The following KIT variants were observed in gnomAD, a reference collection of about 807,000 sequenced individuals.
KIT encodes the protein KIT proto-oncogene, receptor tyrosine kinase, also known as mast/stem cell growth factor receptor Kit.
In KIT, 16 loss-of-function variants were observed where a neutral mutation model predicts 105.7. The observed-to-expected ratio is 0.15, with a 90% confidence interval of 0.10 to 0.23. The LOEUF is 0.23. Among genes scored for constraint, KIT ranks in the 10% least tolerant of loss-of-function variants. KIT has a pLI of 1.00. For missense variants in KIT, 858 were observed against 1,213.8 expected, an observed-to-expected ratio of 0.71 and a Z score of 4.36; for synonymous variants, 438 against 441.1, an observed-to-expected ratio of 0.99 and a Z score of 0.09.
At position 54,727,258 on chromosome 4, in the gene KIT, T is replaced by G. The variant is rs994448695; in HGVS notation, c.1581T>G (p.Ile527Met). 3 of 1,614,054 alleles carry G rather than the reference T, an allele frequency of 1.9e-6. No homozygotes were observed. The highest frequency in any genetic ancestry group is 2.5e-6 in the Non-Finnish European group (3 of 1,180,024). Residue 527 changes from isoleucine (I) to methionine (M), a missense_variant, in exon 10 of 21, where the codon ATT becomes ATG. Transcript: ENST00000288135. The stretch of plus-strand genomic sequence containing the variant: ...ACACCCTGTTCACTCCTTTGCTGAT[T>G]GGTTTCGTAATCGTAGCTGGCATGA... ...HPHTLFTPLL[I>M]GFVIVAGMMC...
chr4:54,674,065 C>A (rs1340287059), intron 1 of KIT, among the ~76,000 whole-genome samples: 2 of 152,204 alleles, frequency 1.3e-5, no homozygotes, highest in African/African-American at 2.4e-5. Flanking sequence ...GCCACCGTGC[C>A]CGGCCTCATA....
chr4:54,696,804 T>C (rs975150958), intron 2 of KIT, among the ~76,000 whole-genome samples: 5 of 152,246 alleles, frequency 3.3e-5, no homozygotes, highest in African/African-American at 1.2e-4. Context: ...CCGAAGTAGG[T>C]AGCTGCAAAG....
intron 1 of KIT, among the ~76,000 whole-genome samples, chr4:54,666,840 T>C (rs1018098656): frequency 6.6e-6 from 1 of 152,232 alleles, no homozygotes; most frequent in African/African-American, 2.4e-5. Context: ...TCATAAATGC[T>C]GAATAGACTC....
intron 1 of KIT, among the ~76,000 whole-genome samples, chr4:54,679,820 T>C (rs1366901317): frequency 6.6e-6 from 1 of 152,206 alleles, no homozygotes; most frequent in Non-Finnish European, 1.5e-5. Context: ...CAGTGGACTA[T>C]TATTCAGCCT....
At chr4:54,663,533 CGTATTAAGATGAA>C (rs1251515469) in intron 1 of KIT, among the ~76,000 whole-genome samples, 1 of 143,554 alleles carries the variant, frequency 7.0e-6, no homozygotes, top group African/African-American at 2.6e-5. Context: ...TTTTTTTTTT[CGTATTAAGATGAA>C]GTTGTTAATT....
chr4:54,684,326 C>T (rs1229498813), intron 1 of KIT, among the ~76,000 whole-genome samples: 1 of 152,130 alleles, frequency 6.6e-6, no homozygotes, highest in Non-Finnish European at 1.5e-5. Flanking sequence ...CCACATGTAC[C>T]ATGGGCTCCT....
rs2109825085 is a variant in KIT at position 54,740,550 on chromosome 4, C to A, written c.*1993C>A. The A allele has an allele frequency of 4.3e-6, 1 of 232,980 alleles. No homozygotes were observed. The highest frequency in any genetic ancestry group is 8.5e-6 in the Non-Finnish European group (1 of 117,754). The allele number at this position is 232,980 out of a possible 1,614,324, so 14.4% of individuals were successfully genotyped here. A position where few individuals can be genotyped will look rare whatever the true frequency, so the allele number is the denominator to read the frequency against. On this transcript the variant is annotated 3_prime_UTR_variant, in exon 21 of 21. Coordinates refer to ENST00000288135, the MANE Select transcript of KIT (RefSeq NM_000222.3). Reference sequence around the variant, plus strand: ...TAATGTCTTTTGAATATTCCCAAGCCCATGAGTCCTTGAAAATATTTTTTA... The same window carrying A: ...TAATGTCTTTTGAATATTCCCAAGCACATGAGTCCTTGAAAATATTTTTTA...
rs1560414436 is a variant in KIT at position 54,723,632 on chromosome 4, A to T, written c.1280A>T (p.Gln427Leu). The T allele has an allele frequency of 1.2e-6, 2 of 1,614,100 alleles. No homozygotes were observed. The highest frequency in any genetic ancestry group is 2.2e-5 in the South Asian group (2 of 91,086). Reference protein sequence around the residue: ...TYDRLVNGMLQCVAAGFPEPT... With the variant: ...TYDRLVNGMLLCVAAGFPEPT... ...GACAGGCTCGTGAATGGCATGCTCC[A>T]ATGTGTGGCAGCAGGATTCCCAGAG... Residue 427 changes from glutamine (Q) to leucine (L), a missense_variant, in exon 8 of 21, where the codon CAA becomes CTA. Gln to Leu is a moderately radical substitution (Grantham distance 113, BLOSUM62 -2). Transcript: ENST00000288135.
Position 54,727,282 on chromosome 4 carries a change from G to A in KIT, c.1605G>A (p.Met535Ile), listed in dbSNP as rs764493206. 3 of 1,614,180 alleles carry A rather than the reference G, an allele frequency of 1.9e-6. No homozygotes were observed. The highest frequency in any genetic ancestry group is 2.2e-5 in the East Asian group (1 of 44,876). Residue 535 changes from methionine (M) to isoleucine (I), a missense_variant, in exon 10 of 21, where the codon ATG (methionine) becomes ATA (isoleucine). Transcript: ENST00000288135. ...LLIGFVIVAG[M>I]MCIIVMILTY... is the part of the protein sequence containing the mutation. ...TTGGTTTCGTAATCGTAGCTGGCAT[G>A]ATGTGCATTATTGTGATGATTCTGA...
At chr4:54,669,334 T>C (rs1265045126) in intron 1 of KIT, among the ~76,000 whole-genome samples, 1 of 152,184 alleles carries the variant, frequency 6.6e-6, no homozygotes, top group Admixed American at 6.5e-5. Flanking sequence ...TTATTTAACA[T>C]GATCATCTTG....
chr4:54,687,392 C>T (rs1359407734), intron 1 of KIT, among the ~76,000 whole-genome samples: 1 of 151,900 alleles, frequency 6.6e-6, no homozygotes, highest in East Asian at 1.9e-4. Flanking sequence ...GAGCCGAGAT[C>T]GCGCCACTGC....
intron 1 of KIT, among the ~76,000 whole-genome samples, chr4:54,658,601 C>T (rs551404557): frequency 8.5e-4 from 129 of 152,232 alleles, no homozygotes; most frequent in African/African-American, 1.7e-3. Flanking sequence ...GCCTTCCAAC[C>T]GCAGGCGCTC....
intron 1 of KIT, among the ~76,000 whole-genome samples, chr4:54,686,492 A>T (rs1719320259): frequency 6.6e-6 from 1 of 152,224 alleles, no homozygotes; most frequent in Non-Finnish European, 1.5e-5. Flanking sequence ...AAAGGTAAGG[A>T]GGAGATGATG....
intron 7 of KIT, among the ~76,000 whole-genome samples, chr4:54,722,843 TTATA>T (rs72375781): frequency 2.8e-5 from 4 of 143,176 alleles, no homozygotes; most frequent in Non-Finnish European, 6.0e-5. Flanking sequence ...TTATATATAT[TTATA>T]TATATTTTTA....
rs757680205 is a variant in KIT, at chr4:54,728,130, G to A, written c.1990+9G>A. ...AGCCTGCACCATTGGAGGTAAAGCCGTGTCCAAGCTGCCTTTTATTGTCTG... is the reference window on the plus strand; with the variant it reads ...AGCCTGCACCATTGGAGGTAAAGCCATGTCCAAGCTGCCTTTTATTGTCTG... On this transcript the variant is annotated intron_variant, in intron 13 of 20. Coordinates refer to ENST00000288135, the MANE Select transcript of KIT (RefSeq NM_000222.3). 4.3e-5 allele frequency: 67 copies of A among 1,575,064 alleles called. No homozygotes were observed. Among genetic ancestry groups the A allele is most frequent in the African/African-American group, 1.1e-4 (8 of 74,060 alleles).
intron 7 of KIT, among the ~76,000 whole-genome samples, chr4:54,715,973 T>C (rs2109737511): frequency 6.6e-6 from 1 of 152,312 alleles, no homozygotes; most frequent in East Asian, 1.9e-4. Flanking sequence ...GAACTTCAAC[T>C]TTTTTGGAAG....
In KIT at chr4:54,727,204, C is replaced by G. The variant is rs768446771; in HGVS notation, c.1541-14C>G. On this transcript the variant is annotated splice_polypyrimidine_tract_variant and intron_variant, in intron 9 of 20. Coordinates refer to ENST00000288135, the MANE Select transcript of KIT (RefSeq NM_000222.3). Reference sequence around the variant, plus strand: ...TGCCAAAGTTTGTGATTCCACATTTCTCTTCCATTGTAGAGCAAATCCATC... The same window carrying G: ...TGCCAAAGTTTGTGATTCCACATTTGTCTTCCATTGTAGAGCAAATCCATC... 1.2e-6 allele frequency: 2 copies of G among 1,611,036 alleles called. No individual in the cohort carries two copies. Among genetic ancestry groups the G allele is most frequent in the South Asian group, 1.1e-5 (1 of 91,014 alleles).
At chr4:54,723,742 G>A (rs756762634) in intron 8 of KIT, 44 bp downstream of exon 8, 4 of 1,057,576 alleles carry the variant, frequency 3.8e-6, no homozygotes, top group Non-Finnish European at 5.9e-6. Context: ...CAGAGGGGAA[G>A]GACTGCAATT....
intron 1 of KIT, among the ~76,000 whole-genome samples, chr4:54,691,014 T>G (rs913186942): frequency 4.6e-5 from 7 of 152,202 alleles, no homozygotes; most frequent in African/African-American, 1.7e-4. Flanking sequence ...ACTCTAGAAG[T>G]GAAGCATGAA....
Sources: allele counts gnomAD v4.1 joint callset (sites outside exome capture counted in the v4.1 genomes callset), GRCh38; gene constraint gnomAD v4.1.1; transcripts MANE v1.5; gene names NCBI Gene and HGNC (gene_info 2026-07-23, HGNC 2026-07-21).